Variants in RGS22 observed in about 807,000 individuals in gnomAD.
RGS22 encodes the protein regulator of G-protein signaling 22.
A neutral mutation model predicts 172.9 loss-of-function variants in RGS22; 148 were observed. That is an observed-to-expected ratio of 0.86 (90% CI 0.75 to 0.98). The LOEUF is 0.98. Ranked by LOEUF, RGS22 falls within the 50% of genes least tolerant of loss-of-function variation. The probability of loss-of-function intolerance (pLI) is 0.00; values close to 1 mark genes in which losing one functional copy is unlikely to be tolerated. For synonymous variants in RGS22, 458 were observed against 480.2 expected (o/e 0.95, Z 0.60); for missense variants, 1,347 against 1,440.8 (o/e 0.93, Z 1.05).
chr8:100,070,551 A>G (rs996916051), intron 6 of RGS22, among the ~76,000 whole-genome samples: 2 of 152,190 alleles, frequency 1.3e-5, no homozygotes, highest in African/African-American at 2.4e-5. Flanking sequence ...ATTAAGGAAC[A>G]CTGTTTTCCT....
At chr8:100,058,386 A>C (rs953298539) in intron 9 of RGS22, among the ~76,000 whole-genome samples, 2 of 152,212 alleles carry the variant, frequency 1.3e-5, no homozygotes, top group Non-Finnish European at 2.9e-5. Context: ...AACCCAAAGA[A>C]GACCACCACA....
intron 27 of RGS22, 143 bp downstream of exon 27, chr8:99,962,251 A>G (rs1369151032): frequency 1.7e-6 from 1 of 591,840 alleles, no homozygotes; most frequent in African/African-American, 1.9e-5. Context: ...TTCAAAAGGG[A>G]GGCAAGGCTC....
At chr8:100,068,888 T>C (rs971303436) in intron 6 of RGS22, among the ~76,000 whole-genome samples, 1 of 150,032 alleles carries the variant, frequency 6.7e-6, no homozygotes, top group African/African-American at 2.5e-5. Flanking sequence ...TGAGCTGAGA[T>C]TGTACCACTG....
chr8:100,034,462 A>G (rs1444864653), intron 14 of RGS22, among the ~76,000 whole-genome samples: 8 of 152,186 alleles, frequency 5.3e-5, no homozygotes, highest in African/African-American at 1.9e-4. Context: ...AACGAAATAA[A>G]AGAGGACACA....
chr8:99,971,523 CAA>C (rs1481954410), intron 23 of RGS22, among the ~76,000 whole-genome samples: 4 of 152,324 alleles, frequency 2.6e-5, no homozygotes, highest in African/African-American at 7.2e-5. Flanking sequence ...GCAACTTCAG[CAA>C]AGTCTCAGAA....
chr8:100,030,316 T>C (rs1022767270), intron 14 of RGS22, among the ~76,000 whole-genome samples: 2 of 152,234 alleles, frequency 1.3e-5, no homozygotes, highest in African/African-American at 4.8e-5. Context: ...TAATAAATGA[T>C]CATATTACTG....
At chr8:100,028,649 T>C (rs190286873) in intron 14 of RGS22, among the ~76,000 whole-genome samples, 1 of 152,070 alleles carries the variant, frequency 6.6e-6, no homozygotes, top group African/African-American at 2.4e-5. Flanking sequence ...AGAAACAGCA[T>C]AGATAAAAAA....
intron 17 of RGS22, 22 bp from the exon 18 acceptor site, chr8:100,002,386 T>C: frequency 1.3e-6 from 2 of 1,573,890 alleles, no homozygotes; most frequent in Non-Finnish European, 8.6e-7. Flanking sequence ...ACAAAAACAA[T>C]GTATAGCTCT....
In RGS22 at chr8:100,008,397, G is replaced by A. The variant is rs772688789; in HGVS notation, c.2339C>T (p.Ser780Leu). Residue 780 changes from serine (S) to leucine (L), a missense_variant, in exon 15 of 28, where the codon TCG becomes TTG. By Grantham distance (145) the Ser-to-Leu change is moderately radical. Transcript: ENST00000360863. The part of the protein sequence containing the change: ...LLEPWTKMVK[S>L]DQIAYKKVEL... ...TACCTTTTTATAAGCAATTTGGTCCGATTTTACCATCTTTGTCCATGGCTC... is the reference window on the plus strand; with the variant it reads ...TACCTTTTTATAAGCAATTTGGTCCAATTTTACCATCTTTGTCCATGGCTC... 8.7e-6 allele frequency: 14 copies of A among 1,610,364 alleles called. No individual in the cohort carries two copies. The highest frequency in any genetic ancestry group is 5.6e-5 in the South Asian group (5 of 89,914).
chr8:100,051,749 T>TTA (rs1805805991), intron 10 of RGS22, among the ~76,000 whole-genome samples: 1 of 74,632 alleles, frequency 1.3e-5, no homozygotes, highest in South Asian at 4.1e-4. Flanking sequence ...AAATATATAT[T>TTA]TATATATTTA....
intron 23 of RGS22, among the ~76,000 whole-genome samples, chr8:99,971,234 A>G (rs1407269334): frequency 1.3e-5 from 2 of 152,252 alleles, no homozygotes; most frequent in African/African-American, 4.8e-5. Context: ...TCTCAAAATA[A>G]TAAGGTCAAT....
At chr8:100,062,933 C>T (rs908738365) in intron 8 of RGS22, among the ~76,000 whole-genome samples, 181 bp from the exon 9 acceptor site, 4 of 152,106 alleles carry the variant, frequency 2.6e-5, no homozygotes, top group African/African-American at 7.2e-5. Flanking sequence ...AGACCTGAGC[C>T]CCATCAGACC....
rs572780608 is a variant in RGS22, at chr8:100,098,747, C to T, written c.55-5238G>A. Reference sequence around the variant, plus strand: ...ATTCTCTTTTCTCTTCCCTTTCCTTCTCTCTGTCTCTCTCTCTCTCAACAA... The same window carrying T: ...ATTCTCTTTTCTCTTCCCTTTCCTTTTCTCTGTCTCTCTCTCTCTCAACAA... On this transcript the variant is annotated intron_variant, in intron 2 of 27. Transcript: ENST00000360863. Among the ~76,000 whole-genome samples the T allele has an allele frequency of 1.8e-4, 27 of 152,058 alleles. No individual in the cohort carries two copies. The East Asian group carries it at 4.2e-3, about 24-fold the overall frequency.
intron 20 of RGS22, among the ~76,000 whole-genome samples, chr8:99,996,186 A>G (rs1588934086): frequency 6.6e-6 from 1 of 152,294 alleles, no homozygotes; most frequent in East Asian, 1.9e-4. Context: ...GGTGCAGCAA[A>G]CCAACATGGC....
At chr8:99,989,169 T>C (rs1486870506) in intron 20 of RGS22, among the ~76,000 whole-genome samples, 1 of 152,136 alleles carries the variant, frequency 6.6e-6, no homozygotes, top group Admixed American at 6.6e-5. Context: ...GTTACATACA[T>C]TCCTCCAATA....
At chr8:100,101,165 G>C (rs957267852) in intron 2 of RGS22, among the ~76,000 whole-genome samples, 1 of 151,898 alleles carries the variant, frequency 6.6e-6, no homozygotes, top group Non-Finnish European at 1.5e-5. Flanking sequence ...TTAAATCTTC[G>C]CTATTAATGC....
At chr8:100,074,118 G>A (rs866812006) in intron 4 of RGS22, among the ~76,000 whole-genome samples, 1 of 152,146 alleles carries the variant, frequency 6.6e-6, no homozygotes, top group Admixed American at 6.6e-5. Flanking sequence ...AAGGTTAAGG[G>A]AAGATGGCTT....
chr8:99,982,185 A>T (rs984717533), intron 21 of RGS22, 69 bp from the exon 22 acceptor site: 17 of 1,203,058 alleles, frequency 1.4e-5, no homozygotes, highest in Non-Finnish European at 1.9e-5. Flanking sequence ...GAACTGTATC[A>T]ATATGTGTTT....
Position 100,054,363 on chromosome 8 carries a change from G to T in RGS22, c.1515-1387C>A, listed in dbSNP as rs151039714. ...AATCCCAGTATTTTGGGAAGCCATG[G>T]TGGGAGGATTGCTTGAGGCCAGGAG... On this transcript the variant is annotated intron_variant, in intron 9 of 27. Transcript: ENST00000360863. The T allele has an allele frequency of 2.6e-3, 405 of 154,312 alleles. 2 individuals are homozygous for T. The highest frequency in any genetic ancestry group is 9.3e-3 in the African/African-American group (388 of 41,648). The allele number at this position is 154,312 out of a possible 1,614,324, so 9.6% of individuals were successfully genotyped here. A position where few individuals can be genotyped will look rare whatever the true frequency, so the allele number is the denominator to read the frequency against.
Sources: gnomAD v4.1 joint callset for allele counts (sites outside exome capture counted in the v4.1 genomes callset) on GRCh38, gnomAD v4.1.1 for gene constraint, MANE v1.5 for transcripts, NCBI Gene and HGNC (gene_info 2026-07-23, HGNC 2026-07-21) for gene names.